MEF2C: variants seen among roughly 807,000 people sequenced by gnomAD.
The protein encoded by MEF2C is myocyte enhancer factor 2C.
Under a neutral mutation model 50.5 loss-of-function variants are expected in MEF2C, and 6 were observed. The ratio of observed to expected loss-of-function variants is 0.12; its 90% CI spans 0.07 to 0.23. The LOEUF is 0.23. MEF2C is among the 10% of genes least tolerant of loss of function. The pLI, the probability that MEF2C is intolerant of heterozygous loss-of-function variation, is 1.00. For synonymous variants in MEF2C, 183 were observed against 228.0 expected, an observed-to-expected ratio of 0.80 and a Z score of 1.78; for missense variants, 276 against 605.0, an observed-to-expected ratio of 0.46 and a Z score of 5.70.
At chr5:88,814,502 C>T (rs1488388491) in intron 2 of MEF2C, among the ~76,000 whole-genome samples, 3 of 151,962 alleles carry the variant, frequency 2.0e-5, no homozygotes, top group Admixed American at 6.6e-5. Flanking sequence ...GGACTATTGT[C>T]CTCGTTAGCC....
chr5:88,804,836 A>C, intron 2 of MEF2C, 35 bp from the exon 3 acceptor site: 1 of 1,566,532 alleles, frequency 6.4e-7, no homozygotes, highest in South Asian at 1.1e-5. Context: ...TTTTTTAAAA[A>C]ATATTCATGC....
chr5:88,735,415 T>C (rs995906854), intron 6 of MEF2C: 38 of 985,182 alleles, frequency 3.9e-5, no homozygotes, highest in Non-Finnish European at 4.5e-5. Flanking sequence ...TGTATGCAGA[T>C]GTCACATTCC....
intron 1 of MEF2C, among the ~76,000 whole-genome samples, chr5:88,882,093 G>A (rs1833061931): frequency 6.6e-6 from 1 of 152,174 alleles, no homozygotes; most frequent in South Asian, 2.1e-4. Flanking sequence ...GCCATGTTCA[G>A]GGAAGGAAGG....
At chr5:88,803,605 A>T (rs1367169139) in intron 3 of MEF2C, among the ~76,000 whole-genome samples, 1 of 152,206 alleles carries the variant, frequency 6.6e-6, no homozygotes, top group Non-Finnish European at 1.5e-5. Context: ...GAGTAGACAA[A>T]TAGATTAAGA....
At position 88,718,385 on chromosome 5, in the gene MEF2C, T is replaced by G. The variant is rs1755219926; in HGVS notation, c.*4219A>C. The G allele has an allele frequency of 6.6e-6, 1 of 152,228 alleles. No homozygotes were observed. Among genetic ancestry groups the G allele is most frequent in the Non-Finnish European group, 1.5e-5 (1 of 68,044 alleles). 9.4% of individuals were successfully genotyped at this position (152,228 alleles called of 1,614,324 possible). On this transcript the variant is annotated 3_prime_UTR_variant, in exon 11 of 11. Coordinates refer to ENST00000504921, the MANE Select transcript of MEF2C (RefSeq NM_002397.5). Reference sequence around the variant, plus strand: ...GTCCCTTGAGATACACAGATGTGGTTTAACTTAGTTATAACATCTTGTCAT... The same window carrying G: ...GTCCCTTGAGATACACAGATGTGGTGTAACTTAGTTATAACATCTTGTCAT...
At chr5:88,770,940 A>G (rs1050263299) in intron 3 of MEF2C, among the ~76,000 whole-genome samples, 4 of 152,234 alleles carry the variant, frequency 2.6e-5, no homozygotes, top group African/African-American at 4.8e-5. Context: ...AGTAATTTAT[A>G]AAGAAAAATA....
intron 3 of MEF2C, among the ~76,000 whole-genome samples, chr5:88,802,561 T>G (rs1008169984): frequency 1.3e-5 from 2 of 152,152 alleles, no homozygotes; most frequent in Non-Finnish European, 2.9e-5. Context: ...ATCTTCCCCC[T>G]TCAGCCCCCC....
intron 1 of MEF2C, among the ~76,000 whole-genome samples, chr5:88,864,062 T>C (rs1163403494): frequency 6.6e-6 from 1 of 151,928 alleles, no homozygotes; most frequent in African/African-American, 2.4e-5. Flanking sequence ...CCTCAGGTGA[T>C]CTTCCAGCCT....
At chr5:88,873,843 AT>A (rs886716505) in intron 1 of MEF2C, among the ~76,000 whole-genome samples, 12 of 151,720 alleles carry the variant, frequency 7.9e-5, no homozygotes, top group African/African-American at 2.9e-4. Context: ...TGAACTTCCA[AT>A]AAATACTAGA....
At chr5:88,732,726 G>A (rs866885282) in intron 6 of MEF2C, among the ~76,000 whole-genome samples, 2 of 152,210 alleles carry the variant, frequency 1.3e-5, no homozygotes, top group Non-Finnish European at 1.5e-5. Flanking sequence ...GAGAGCTAGG[G>A]AGGAGTTGAT....
chr5:88,768,720 T>A (rs1252820955), intron 3 of MEF2C: 1 of 984,778 alleles, frequency 1.0e-6, no homozygotes, highest in Non-Finnish European at 1.2e-6. Context: ...AAGATTAGTC[T>A]CAGTGCAGTA....
chr5:88,721,410 T>G lies in MEF2C; in HGVS notation c.*1194A>C, dbSNP rs1756309725. On this transcript the variant is annotated 3_prime_UTR_variant, in exon 11 of 11. Transcript: ENST00000504921. Reference sequence around the variant, plus strand: ...ATGTATTAAAAACAATTTAGGGTGTTGCAATGTGATATGTTCTAACCCCAC... The same window carrying G: ...ATGTATTAAAAACAATTTAGGGTGTGGCAATGTGATATGTTCTAACCCCAC... 1.3e-5 allele frequency: 2 copies of G among 152,628 alleles called. No homozygotes were observed. Among genetic ancestry groups the G allele is most frequent in the Admixed American group, 1.3e-4 (2 of 15,282 alleles). 9.5% of individuals were successfully genotyped at this position (152,628 alleles called of 1,614,324 possible). A position where few individuals can be genotyped will look rare whatever the true frequency, so the allele number is the denominator to read the frequency against.
At position 88,752,565 on chromosome 5, in the gene MEF2C, C is replaced by G. The variant is rs973021268; in HGVS notation, c.403-522G>C. On this transcript the variant is annotated intron_variant, in intron 4 of 10. Transcript: ENST00000504921. ...TAAAGTCTATGTTTTAAAAGTAACTCTAAAGATAATAGGCATTTTAACATA... is the reference window on the plus strand; with the variant it reads ...TAAAGTCTATGTTTTAAAAGTAACTGTAAAGATAATAGGCATTTTAACATA... 3 of 963,650 alleles carry G rather than the reference C, an allele frequency of 3.1e-6. No individual in the cohort carries two copies. The African/African-American group carries it at 5.3e-5, about 17-fold the overall frequency. 59.7% of individuals were successfully genotyped at this position (963,650 alleles called of 1,614,324 possible).
chr5:88,740,185 C>G, intron 6 of MEF2C: 2 of 984,442 alleles, frequency 2.0e-6, no homozygotes, highest in Non-Finnish European at 2.4e-6. Flanking sequence ...CATATCTAGC[C>G]TATTTGTCCT....
At chr5:88,763,099 C>T (rs1486987062) in intron 3 of MEF2C, among the ~76,000 whole-genome samples, 2 of 152,084 alleles carry the variant, frequency 1.3e-5, no homozygotes, top group Non-Finnish European at 1.5e-5. Flanking sequence ...TACACAGTGG[C>T]TCTGTAAATA....
Position 88,761,065 on chromosome 5 carries a change from G to T in MEF2C, c.402+120C>A, listed in dbSNP as rs766366454. ...TATTTTTCTTCAGTGCGTGGGGTGA[G>T]TGCATAAGAGGAGTCGGGATCGGGG... On this transcript the variant is annotated intron_variant, in intron 4 of 10. Coordinates refer to ENST00000504921, the MANE Select transcript of MEF2C (RefSeq NM_002397.5). 6 of 1,613,788 alleles carry T rather than the reference G, an allele frequency of 3.7e-6. No homozygotes were observed. The Admixed American group carries it at 5.0e-5, about 13-fold the overall frequency.
intron 1 of MEF2C, among the ~76,000 whole-genome samples, chr5:88,871,370 A>C (rs1829463386): frequency 2.0e-5 from 3 of 151,832 alleles, no homozygotes; most frequent in Admixed American, 2.0e-4. Flanking sequence ...ATTATTTTTA[A>C]ATTAAAGCTT....
intron 1 of MEF2C, chr5:88,843,536 C>A: frequency 2.2e-6 from 2 of 919,842 alleles, no homozygotes; most frequent in Non-Finnish European, 2.6e-6. Flanking sequence ...AGTTTTATAC[C>A]TTATTCATTT....
intron 1 of MEF2C, among the ~76,000 whole-genome samples, chr5:88,861,588 A>G (rs922656496): frequency 3.9e-5 from 6 of 152,224 alleles, no homozygotes; most frequent in African/African-American, 9.6e-5. Flanking sequence ...TAATAGATTT[A>G]TAAGTTAAAA....
Sources: allele counts gnomAD v4.1 joint callset (sites outside exome capture counted in the v4.1 genomes callset), GRCh38; gene constraint gnomAD v4.1.1; transcripts MANE v1.5; gene names NCBI Gene and HGNC (gene_info 2026-07-23, HGNC 2026-07-21).